The following SLC25A26 variants were observed in gnomAD, a reference collection of about 807,000 sequenced individuals.
SLC25A26 encodes the protein solute carrier family 25 member 26.
In SLC25A26, 36 loss-of-function variants were observed where a neutral mutation model predicts 37.8. The observed-to-expected ratio is 0.95, with a 90% CI of 0.73 to 1.26. The LOEUF is 1.26. Among genes scored for constraint, SLC25A26 ranks in the 50% most tolerant of loss-of-function variants. The probability of loss-of-function intolerance (pLI) is 0.00; values close to 1 mark genes in which losing one functional copy is unlikely to be tolerated. For synonymous variants in SLC25A26, 129 were observed against 122.5 expected (o/e 1.05, Z -0.35); for missense variants, 390 against 331.1 (o/e 1.18, Z -1.38).
intron 5 of SLC25A26, chr3:66,293,220 C>T (rs939377607): frequency 2.6e-5 from 4 of 152,026 alleles, no homozygotes; most frequent in African/African-American, 4.8e-5. Flanking sequence ...GGAGCCAACG[C>T]GGAAAGCGTT....
intron 1 of SLC25A26, among the ~76,000 whole-genome samples, chr3:66,198,236 C>T (rs1229272081): frequency 6.6e-6 from 1 of 152,046 alleles, no homozygotes; most frequent in Non-Finnish European, 1.5e-5. Flanking sequence ...GTTCTGGGCA[C>T]AGTCAGGGTC....
At chr3:66,284,389 G>A (rs1248141301) in intron 5 of SLC25A26, among the ~76,000 whole-genome samples, 2 of 152,006 alleles carry the variant, frequency 1.3e-5, no homozygotes, top group South Asian at 2.1e-4. Context: ...TATCAGAGAG[G>A]GAATAAAGTC....
rs190115157 is a variant in SLC25A26 at position 66,294,481 on chromosome 3, G to A, written c.453+31102G>A. Among the ~76,000 whole-genome samples the A allele has an allele frequency of 1.1e-4, 16 of 152,242 alleles. No individual in the cohort carries two copies. In the East Asian group the frequency reaches 2.7e-3, roughly 26 times the overall value. ...TTTACTGAGTTTTTAACATGAAGTG[G>A]TGTTGAATTTTATTGAAAGCCTTTT... On this transcript the variant is annotated intron_variant, in intron 5 of 9. Transcript: ENST00000354883.
At chr3:66,310,129 A>G (rs2075335813) in intron 5 of SLC25A26, among the ~76,000 whole-genome samples, 1 of 152,176 alleles carries the variant, frequency 6.6e-6, no homozygotes, top group South Asian at 2.1e-4. Context: ...ATTGTGTGGA[A>G]GTCTAAGTTT....
intron 5 of SLC25A26, among the ~76,000 whole-genome samples, chr3:66,312,960 T>G (rs533170190): frequency 5.3e-5 from 8 of 152,146 alleles, no homozygotes; most frequent in Non-Finnish European, 2.9e-5. Context: ...TCTTGCCAGA[T>G]CCCCCTGTTT....
chr3:66,344,250 G>A (rs2076271277), intron 5 of SLC25A26, among the ~76,000 whole-genome samples: 1 of 152,058 alleles, frequency 6.6e-6, no homozygotes, highest in Non-Finnish European at 1.5e-5. Flanking sequence ...ATCACCTGAG[G>A]TCAGGAGTTC....
Position 66,370,535 on chromosome 3 carries a change from T to A in SLC25A26, c.640T>A (p.Ser214Thr), listed in dbSNP as rs764220299. ...KTRITLAKAG[S>T]STADGNVLSV... ...TCTTTGTCTGTTCACACAGGCTGGC[T>A]CCAGCACTGCTGATGGGAATGTGCT... The change falls in exon 9 of 10, where the codon TCC (serine) becomes ACC (threonine). Residue 214 changes from serine (S) to threonine (T), a missense_variant. Ser to Thr is a moderately conservative substitution (Grantham distance 58, BLOSUM62 1). Transcript: ENST00000354883. The A allele has an allele frequency of 6.2e-7, 1 of 1,613,750 alleles. No individual in the cohort carries two copies. Among genetic ancestry groups the A allele is most frequent in the Non-Finnish European group, 8.5e-7 (1 of 1,179,766 alleles).
At chr3:66,258,622 A>G (rs566086973) in intron 3 of SLC25A26, among the ~76,000 whole-genome samples, 1 of 152,358 alleles carries the variant, frequency 6.6e-6, no homozygotes, top group East Asian at 1.9e-4. Flanking sequence ...AGGTGAAAAC[A>G]TCTGCTGGGA....
At position 66,378,608 on chromosome 3, in the gene SLC25A26, A is replaced by T. The variant is rs1700823464; in HGVS notation, c.*801A>T. On this transcript the variant is annotated 3_prime_UTR_variant, in exon 10 of 10. Transcript: ENST00000354883. ...AAAGGTCACCACACTTAGGGATTTT[A>T]GACCTTGACTAACAAGCTCCAGGTG... 6.6e-6 allele frequency: 1 copy of T among 152,432 alleles called. No individual in the cohort carries two copies. Among genetic ancestry groups the T allele is most frequent in the Non-Finnish European group, 1.5e-5 (1 of 68,032 alleles). The allele number at this position is 152,432 out of a possible 1,614,324, so 9.4% of individuals were successfully genotyped here.
At chr3:66,191,523 T>C (rs940571926) in intron 1 of SLC25A26, among the ~76,000 whole-genome samples, 1 of 152,194 alleles carries the variant, frequency 6.6e-6, no homozygotes, top group Non-Finnish European at 1.5e-5. Flanking sequence ...ACAACACATA[T>C]CCATCTAAAA....
At chr3:66,218,808 T>C (rs2071398647), upstream of SLC25A26, among the ~76,000 whole-genome samples, 1 of 152,186 alleles carries the variant, frequency 6.6e-6, no homozygotes, top group Non-Finnish European at 1.5e-5. Context: ...TACCTGCCAA[T>C]AGCTAGCACT....
At chr3:66,263,779 C>T (rs902456598) in intron 5 of SLC25A26, among the ~76,000 whole-genome samples, 4 of 152,130 alleles carry the variant, frequency 2.6e-5, no homozygotes, top group Non-Finnish European at 5.9e-5. Flanking sequence ...CTGCGTCAGC[C>T]TCCCGAGTAG....
chr3:66,158,527 C>G (rs747346092), intron 1 of SLC25A26, among the ~76,000 whole-genome samples: 14 of 152,114 alleles, frequency 9.2e-5, no homozygotes, highest in Non-Finnish European at 1.9e-4. Context: ...GAGAAACTGC[C>G]AACCTGTTTT....
intron 8 of SLC25A26, among the ~76,000 whole-genome samples, chr3:66,370,066 A>G (rs750377148): frequency 5.3e-5 from 8 of 152,244 alleles, no homozygotes; most frequent in Admixed American, 4.6e-4. Context: ...GAAAAGTAGA[A>G]CAAATAATGG....
At chr3:66,309,299 T>A (rs2075311070) in intron 5 of SLC25A26, among the ~76,000 whole-genome samples, 1 of 152,220 alleles carries the variant, frequency 6.6e-6, no homozygotes. Flanking sequence ...TTTATTTGCA[T>A]AGAGGTGTTT....
intron 5 of SLC25A26, among the ~76,000 whole-genome samples, chr3:66,327,662 ATTAG>A (rs1207265238): frequency 2.6e-5 from 4 of 151,818 alleles, no homozygotes; most frequent in Non-Finnish European, 5.9e-5. Context: ...TTTTTTGTTT[ATTAG>A]TTGGTGGTAT....
At position 66,255,701 on chromosome 3, in the gene SLC25A26, AC is replaced by A. The variant is rs201073111; in HGVS notation, c.301-6348del. Among the ~76,000 whole-genome samples the A allele has an allele frequency of 1.0e-2, 1,519 of 152,242 alleles. 6 individuals are homozygous for A. The highest frequency in any genetic ancestry group is 0.016 in the Non-Finnish European group (1,097 of 68,012). On this transcript the variant is annotated intron_variant, in intron 3 of 9. Coordinates refer to ENST00000354883, the MANE Select transcript of SLC25A26 (RefSeq NM_001379210.1). ...ATGACATTCTGTTTCCTTTCATAGA[AC>A]CATAATACTGTAACATGTTTTTGTT...
Position 66,334,298 on chromosome 3 carries a change from G to A in SLC25A26, c.454-12066G>A, listed in dbSNP as rs114502908. Among the ~76,000 whole-genome samples, 693 of 152,182 alleles carry A rather than the reference G, an allele frequency of 4.6e-3. 11 individuals are homozygous for A. The highest frequency in any genetic ancestry group is 0.012 in the African/African-American group (500 of 41,532). On this transcript the variant is annotated intron_variant, in intron 5 of 9. Transcript: ENST00000354883. The stretch of plus-strand genomic sequence containing the variant: ...AGTGGATGTATATCAGTTCTGAACA[G>A]AAGCTTTGTTTGTTTCTTTGTTTTG...
chr3:66,236,420 T>C, intron 1 of SLC25A26, 124 bp from the exon 2 acceptor site: 1 of 630,108 alleles, frequency 1.6e-6, no homozygotes, highest in Non-Finnish European at 2.4e-6. Flanking sequence ...GCAGAAGTTG[T>C]GGACTGAAAG....
Sources: allele counts gnomAD v4.1 joint callset (sites outside exome capture counted in the v4.1 genomes callset), GRCh38; gene constraint gnomAD v4.1.1; transcripts MANE v1.5; gene names NCBI Gene and HGNC (gene_info 2026-07-23, HGNC 2026-07-21).